Variants in PELP1 observed in about 807,000 individuals in gnomAD.
PELP1 encodes the protein proline, glutamate and leucine rich protein 1.
Under a neutral mutation model 95.5 loss-of-function variants are expected in PELP1, and 32 were observed. The ratio of observed to expected loss-of-function variants is 0.34; its 90% confidence interval spans 0.25 to 0.45. The LOEUF (loss-of-function observed/expected upper bound fraction) is 0.45. PELP1 is among the 20% of genes least tolerant of loss of function. The pLI is 1.00. For synonymous variants in PELP1, 668 were observed against 600.1 expected (o/e 1.11, Z -1.65); for missense variants, 1,358 against 1,444.8 (o/e 0.94, Z 0.97).
In PELP1 at chr17:4,673,938, C is replaced by T; in HGVS notation, c.1583-264G>A. 1 of 460,848 alleles carries T rather than the reference C, an allele frequency of 2.2e-6. No homozygotes were observed. The highest frequency in any genetic ancestry group is 3.9e-6 in the Non-Finnish European group (1 of 254,510). The allele number at this position is 460,848 out of a possible 1,614,324, so 28.5% of individuals were successfully genotyped here. On this transcript the variant is annotated intron_variant, in intron 13 of 16. Transcript: ENST00000572293. The surrounding 1 kb of genome is among the most constrained non-coding windows in gnomAD (Gnocchi z 5.7). ...ATATTTGGGAACAATCGGTTCTCCC[C>T]TTCCCATGGGATGGGGTGGCAGGCA...
rs1208433363 is a variant in PELP1 at position 4,691,441 on chromosome 17, T to C, written c.251A>G (p.Asn84Ser). Reference sequence around the variant, plus strand: ...CACCAATGCCCCAAGAGCTGAAAGGTTCTGGAGGAAAGAAAACAGGGAAGC... The same window carrying C: ...CACCAATGCCCCAAGAGCTGAAAGGCTCTGGAGGAAAGAAAACAGGGAAGC... The part of the protein sequence containing the change: ...RLHGSVGGAQ[N>S]LSALGALVSL... Residue 84 changes from asparagine (N) to serine (S), a missense_variant and splice_region_variant, in exon 2 of 17, where the codon AAC (asparagine) becomes AGC (serine). Asn to Ser is a conservative substitution (Grantham distance 46). This residue lies in a region of PELP1 where 169 missense variants were observed against 134.9 expected (regional missense o/e 1.25). Transcript: ENST00000572293. 1 of 1,612,334 alleles carries C rather than the reference T, an allele frequency of 6.2e-7. No individual in the cohort carries two copies. Among genetic ancestry groups the C allele is most frequent in the Admixed American group, 1.7e-5 (1 of 59,972 alleles).
At chr17:4,691,350 T>C (rs2150562883) in intron 2 of PELP1, 28 bp downstream of exon 2, 1 of 1,567,862 alleles carries the variant, frequency 6.4e-7, no homozygotes, top group African/African-American at 1.4e-5. Context: ...AACACGCCCC[T>C]GGAGAAAAAA....
chr17:4,675,265 C>A lies in PELP1; in HGVS notation c.1157+9G>T. Reference sequence around the variant, plus strand: ...ATCCCTTCACCACAGCCAGCCCAATCCCACTCACGCGAGGATGAGTGCAGA... The same window carrying A: ...ATCCCTTCACCACAGCCAGCCCAATACCACTCACGCGAGGATGAGTGCAGA... On this transcript the variant is annotated intron_variant, in intron 10 of 16. Coordinates refer to ENST00000572293, the MANE Select transcript of PELP1 (RefSeq NM_014389.3). The surrounding 1 kb of genome is among the most constrained non-coding windows in gnomAD (Gnocchi z 4.3). 1 of 1,583,684 alleles carries A rather than the reference C, an allele frequency of 6.3e-7. No homozygotes were observed. The highest frequency in any genetic ancestry group is 8.6e-7 in the Non-Finnish European group (1 of 1,165,186).
intron 5 of PELP1, among the ~76,000 whole-genome samples, chr17:4,679,267 C>G (rs1395256436): frequency 6.6e-6 from 1 of 152,066 alleles, no homozygotes; most frequent in East Asian, 1.9e-4. Context: ...GCAGATGGCA[C>G]TTGATTCTTA....
chr17:4,685,955 G>C (rs1327881578), intron 3 of PELP1, among the ~76,000 whole-genome samples: 18 of 152,072 alleles, frequency 1.2e-4, no homozygotes, highest in Admixed American at 2.6e-4. Context: ...AAATTAGCCG[G>C]GTGTGGTGAT....
chr17:4,680,240 T>G (rs1198902683), intron 5 of PELP1, among the ~76,000 whole-genome samples: 1 of 152,178 alleles, frequency 6.6e-6, no homozygotes, highest in Non-Finnish European at 1.5e-5. Context: ...CTCCAAGAAC[T>G]TACTTTCTTG....
At position 4,673,514 on chromosome 17, in the gene PELP1, A is replaced by G; in HGVS notation, c.1639-58T>C. The G allele has an allele frequency of 6.4e-7, 1 of 1,568,272 alleles. No homozygotes were observed. The highest frequency in any genetic ancestry group is 8.8e-7 in the Non-Finnish European group (1 of 1,142,558). On this transcript the variant is annotated intron_variant, in intron 14 of 16. Coordinates refer to ENST00000572293, the MANE Select transcript of PELP1 (RefSeq NM_014389.3). This position sits in a 1 kb window ranked among gnomAD's most constrained non-coding sequence, Gnocchi z 5.7. ...CCAAGACCACCCAACCCTTCTCCAGAGCCTACTCCCAGGTCGGAATGGACC... is the reference window on the plus strand; with the variant it reads ...CCAAGACCACCCAACCCTTCTCCAGGGCCTACTCCCAGGTCGGAATGGACC...
intron 3 of PELP1, among the ~76,000 whole-genome samples, chr17:4,689,761 C>T (rs1279876576): frequency 2.0e-5 from 3 of 152,210 alleles, no homozygotes; most frequent in Non-Finnish European, 4.4e-5. Flanking sequence ...GGAGTGGCGG[C>T]TCATGCCTGT....
At position 4,691,521 on chromosome 17, in the gene PELP1, C is replaced by A. The variant is rs906839333; in HGVS notation, c.250-79G>T. 3.2e-5 allele frequency: 37 copies of A among 1,149,456 alleles called. No homozygotes were observed. The African/African-American group carries it at 3.7e-4, about 11-fold the overall frequency. 71.2% of individuals were successfully genotyped at this position (1,149,456 alleles called of 1,614,324 possible). A position where few individuals can be genotyped will look rare whatever the true frequency, so the allele number is the denominator to read the frequency against. On this transcript the variant is annotated intron_variant, in intron 1 of 16. Coordinates refer to ENST00000572293, the MANE Select transcript of PELP1 (RefSeq NM_014389.3). ...AAGATTCTTCAAGCCCTTCTCTGTCCCAGCACCTATGAAGCCTTTCTGAAG... is the reference window on the plus strand; with the variant it reads ...AAGATTCTTCAAGCCCTTCTCTGTCACAGCACCTATGAAGCCTTTCTGAAG...
intron 5 of PELP1, 90 bp downstream of exon 5, chr17:4,682,412 A>G: frequency 1.2e-6 from 1 of 849,696 alleles, no homozygotes; most frequent in Non-Finnish European, 2.0e-6. Context: ...GATAATCAGA[A>G]GATAGGTGCT....
intron 1 of PELP1, chr17:4,691,677 C>G: frequency 7.6e-6 from 4 of 524,422 alleles, no homozygotes; most frequent in Non-Finnish European, 1.4e-5. Context: ...CTCCATGCCC[C>G]ACCCAAGTAG....
intron 1 of PELP1, among the ~76,000 whole-genome samples, chr17:4,698,283 A>G (rs1363918178): frequency 6.6e-6 from 1 of 152,146 alleles, no homozygotes; most frequent in African/African-American, 2.4e-5. Context: ...CTCTTTAAAA[A>G]TATCAAGATC....
chr17:4,690,886 AC>A lies in PELP1; in HGVS notation c.420+1del. ...GAAGTAGGGCAGCAGCTGAAACCTC[AC>A]CTGTAACACCTGCTGAATGCTCCGA... On this transcript the variant is annotated splice_donor_variant, in intron 3 of 16. Coordinates refer to ENST00000572293, the MANE Select transcript of PELP1 (RefSeq NM_014389.3). LOFTEE classifies it high-confidence loss of function. 1 of 1,598,988 alleles carries A rather than the reference AC, an allele frequency of 6.3e-7. No homozygotes were observed. The highest frequency in any genetic ancestry group is 8.6e-7 in the Non-Finnish European group (1 of 1,166,230).
chr17:4,694,142 T>C (rs1276907900), intron 1 of PELP1, among the ~76,000 whole-genome samples: 2 of 152,070 alleles, frequency 1.3e-5, no homozygotes, highest in Non-Finnish European at 2.9e-5. Context: ...TTCATTTCTA[T>C]CAAATGGCCA....
chr17:4,671,107 A>T lies in PELP1; in HGVS notation c.*332T>A. On this transcript the variant is annotated 3_prime_UTR_variant, in exon 17 of 17. Transcript: ENST00000572293. Reference sequence around the variant, plus strand: ...TCCACACATTTCCCACCCCGAATACAAACACGAAAGCAGGGCTGTGTCTCT... The same window carrying T: ...TCCACACATTTCCCACCCCGAATACTAACACGAAAGCAGGGCTGTGTCTCT... The T allele has an allele frequency of 3.0e-6, 1 of 335,374 alleles. No individual in the cohort carries two copies. The highest frequency in any genetic ancestry group is 5.5e-6 in the Non-Finnish European group (1 of 180,308). 20.8% of individuals were successfully genotyped at this position (335,374 alleles called of 1,614,324 possible).
chr17:4,685,009 C>G (rs1476726092), intron 3 of PELP1, among the ~76,000 whole-genome samples: 1 of 152,034 alleles, frequency 6.6e-6, no homozygotes, highest in Non-Finnish European at 1.5e-5. Context: ...TTTCTTGAGC[C>G]CATACTTCAC....
rs188502147 is a variant in PELP1 at position 4,675,636 on chromosome 17, G to A, written c.1068+161C>T. The A allele has an allele frequency of 4.0e-4, 288 of 721,778 alleles. 2 individuals carry two copies. In the African/African-American group the frequency reaches 4.6e-3, roughly 12 times the overall value. 44.7% of individuals were successfully genotyped at this position (721,778 alleles called of 1,614,324 possible). On this transcript the variant is annotated intron_variant, in intron 9 of 16. Transcript: ENST00000572293. This position sits in a 1 kb window ranked among gnomAD's most constrained non-coding sequence, Gnocchi z 4.3. ...TGCTACACTCTGACACTGTGCTCCT[G>A]TGTCACGACACATAGGAAGTGATGT...
intron 5 of PELP1, 96 bp from the exon 6 acceptor site, chr17:4,676,908 G>C (rs1384834675): frequency 9.7e-6 from 9 of 924,104 alleles, no homozygotes; most frequent in Non-Finnish European, 1.4e-5. Context: ...TCTAAGCCCA[G>C]GTCTCTTTTT....
In PELP1 at chr17:4,673,714, C is replaced by T. The variant is rs1387738704; in HGVS notation, c.1583-40G>A. ...TGGTGTGTAAAGGGTAGGCTCCCAA[C>T]AGACTGACGGCAAGGGCTTCTGAAG... On this transcript the variant is annotated intron_variant, in intron 13 of 16. Coordinates refer to ENST00000572293, the MANE Select transcript of PELP1 (RefSeq NM_014389.3). This position sits in a 1 kb window ranked among gnomAD's most constrained non-coding sequence, Gnocchi z 5.7. The T allele has an allele frequency of 2.5e-6, 4 of 1,576,916 alleles. No homozygotes were observed. The South Asian group carries it at 3.3e-5, about 13-fold the overall frequency.
Sources: gnomAD v4.1 joint callset for allele counts (sites outside exome capture counted in the v4.1 genomes callset) on GRCh38, gnomAD v4.1.1 for gene constraint, gnomAD v4.1.1 regional missense constraint, Gnocchi (gnomAD v3.1) non-coding constraint, MANE v1.5 for transcripts, NCBI Gene and HGNC (gene_info 2026-07-23, HGNC 2026-07-21) for gene names.